The following TRIO variants were observed in gnomAD, a reference collection of about 807,000 sequenced individuals.
TRIO encodes the protein triple functional domain protein.
A neutral mutation model predicts 351.9 loss-of-function variants in TRIO; 58 were observed. The observed-to-expected ratio is 0.16, with a 90% CI of 0.13 to 0.21. The LOEUF (loss-of-function observed/expected upper bound fraction) is 0.21. Among genes scored for constraint, TRIO ranks in the 10% least tolerant of loss-of-function variants. TRIO has a pLI of 1.00. For synonymous variants in TRIO, 1,758 were observed against 1,595.7 expected (o/e 1.10, Z -2.42); for missense variants, 3,201 against 4,027.8 (o/e 0.79, Z 5.56).
At chr5:14,410,023 C>T (rs1749063606) in intron 33 of TRIO, among the ~76,000 whole-genome samples, 1 of 152,108 alleles carries the variant, frequency 6.6e-6, no homozygotes, top group South Asian at 2.1e-4. Context: ...GTTTCTTAAA[C>T]AGACCTGGCG....
chr5:14,481,771 C>CTTTTTTTTTTTTTTTTTTTTT (rs34046917), intron 45 of TRIO, 153 bp downstream of exon 45: 1 of 177,832 alleles, frequency 5.6e-6, no homozygotes, highest in Non-Finnish European at 9.9e-6. Context: ...ATTTTATTTC[C>CTTTTTTTTTTTTTTTTTTTTT]TTTTTTTTTT....
intron 1 of TRIO, among the ~76,000 whole-genome samples, chr5:14,153,516 A>T (rs2152116992): frequency 6.6e-6 from 1 of 152,234 alleles, no homozygotes; most frequent in South Asian, 2.1e-4. Flanking sequence ...TATTGCCACC[A>T]CTGGTTTTAC....
chr5:14,173,449 T>A lies in TRIO; in HGVS notation c.157+29567T>A, dbSNP rs570484217. ...CTCGTCTCCAACTCCTGACCTCAGG[T>A]GATCCGCCCGCCTCAGCTTCCCAAA... On this transcript the variant is annotated intron_variant, in intron 1 of 56. Transcript: ENST00000344204. Among the ~76,000 whole-genome samples, 6 of 152,108 alleles carry A rather than the reference T, an allele frequency of 3.9e-5. No individual in the cohort carries two copies. The East Asian group carries it at 7.7e-4, about 20-fold the overall frequency.
intron 20 of TRIO, among the ~76,000 whole-genome samples, chr5:14,379,897 G>A (rs543300197): frequency 2.0e-5 from 3 of 152,276 alleles, no homozygotes; most frequent in South Asian, 2.1e-4. Flanking sequence ...CAGTGCTTTC[G>A]CAGACCGGCC....
intron 1 of TRIO, among the ~76,000 whole-genome samples, chr5:14,229,006 T>C (rs1793227270): frequency 6.6e-6 from 1 of 152,232 alleles, no homozygotes; most frequent in Non-Finnish European, 1.5e-5. Context: ...GACTAAAATT[T>C]AGGAGTATTT....
At chr5:14,211,591 T>TG (rs913246374) in intron 1 of TRIO, among the ~76,000 whole-genome samples, 4 of 8,178 alleles carry the variant, frequency 4.9e-4, no homozygotes, top group African/African-American at 1.5e-3. Context: ...CACTCAGTTG[T>TG]TTTTTTTTTT....
intron 9 of TRIO, among the ~76,000 whole-genome samples, chr5:14,320,571 A>G (rs1231037127): frequency 1.3e-5 from 2 of 152,172 alleles, no homozygotes; most frequent in African/African-American, 4.8e-5. Context: ...CTCCAGGGCC[A>G]TGTTGGACCA....
At position 14,488,095 on chromosome 5, in the gene TRIO, CCCCGCCTCCCCCGCCAGCCGA is replaced by C. The variant is rs776741852; in HGVS notation, c.7472_7492del (p.Ala2491_Pro2497del). ...AGGGGGGCTCCTTCTGGAGCTCCATCCCCGCCTCCCCCGCCAGCCGACCCGGCTCCTTCACCTTCCCGGGGG... is the reference window on the plus strand; with the variant it reads ...AGGGGGGCTCCTTCTGGAGCTCCATCCCCGGCTCCTTCACCTTCCCGGGGG... On this transcript the variant is annotated inframe_deletion, in exon 48 of 57. Transcript: ENST00000344204. 2 of 1,604,086 alleles carry C rather than the reference CCCCGCCTCCCCCGCCAGCCGA, an allele frequency of 1.2e-6. No homozygotes were observed. Among genetic ancestry groups the C allele is most frequent in the South Asian group, 2.2e-5 (2 of 90,828 alleles).
intron 2 of TRIO, 74 bp downstream of exon 2, chr5:14,270,973 C>T (rs1795943072): frequency 9.8e-7 from 1 of 1,018,190 alleles, no homozygotes; most frequent in East Asian, 2.5e-5. Flanking sequence ...AATAAATGAA[C>T]TCACCTGCCA....
At chr5:14,184,930 G>A (rs16903267) in intron 1 of TRIO, among the ~76,000 whole-genome samples, 1,754 of 152,030 alleles carry the variant, frequency 0.012, 37 homozygotes, top group African/African-American at 0.039. Context: ...ACCCAAAATC[G>A]GGCTCCTCCT....
At chr5:14,213,504 C>T (rs1792039233) in intron 1 of TRIO, among the ~76,000 whole-genome samples, 1 of 151,956 alleles carries the variant, frequency 6.6e-6, no homozygotes, top group African/African-American at 2.4e-5. Flanking sequence ...GTTTCTAACC[C>T]ATTTATGCCA....
intron 8 of TRIO, among the ~76,000 whole-genome samples, chr5:14,305,235 G>A (rs1006927181): frequency 6.6e-6 from 1 of 152,238 alleles, no homozygotes; most frequent in African/African-American, 2.4e-5. Flanking sequence ...CAGGCAGGCA[G>A]GCTGCATGTT....
intron 15 of TRIO, among the ~76,000 whole-genome samples, chr5:14,366,565 C>A: frequency 6.6e-6 from 1 of 152,054 alleles, no homozygotes; most frequent in East Asian, 1.9e-4. Context: ...AAAATATGGC[C>A]CATAATCTGT....
chr5:14,428,674 A>C (rs558577323), intron 34 of TRIO, among the ~76,000 whole-genome samples: 53 of 152,378 alleles, frequency 3.5e-4, no homozygotes, highest in Non-Finnish European at 4.9e-4. Context: ...ACTTTACATT[A>C]AAGTGTTTAT....
At chr5:14,495,962 C>T (rs879828008) in intron 49 of TRIO, among the ~76,000 whole-genome samples, 6 of 152,058 alleles carry the variant, frequency 3.9e-5, no homozygotes, top group Admixed American at 3.3e-4. Flanking sequence ...AGCAAGACTC[C>T]GTCTCAGAGA....
At chr5:14,360,514 A>G (rs1236377775) in intron 13 of TRIO, among the ~76,000 whole-genome samples, 1 of 152,160 alleles carries the variant, frequency 6.6e-6, no homozygotes, top group Non-Finnish European at 1.5e-5. Context: ...TGTGATGGAC[A>G]CCTGTAGAGC....
At chr5:14,421,236 ATTTTAT>A (rs1750117265) in intron 34 of TRIO, among the ~76,000 whole-genome samples, 1 of 120,060 alleles carries the variant, frequency 8.3e-6, no homozygotes, top group African/African-American at 2.9e-5. Flanking sequence ...TATTTATTTT[ATTTTAT>A]TTTATTTTAT....
rs551358255 is a variant in TRIO at position 14,450,756 on chromosome 5, G to A, written c.5204-10263G>A. Among the ~76,000 whole-genome samples, 6 of 152,298 alleles carry A rather than the reference G, an allele frequency of 3.9e-5. No homozygotes were observed. The East Asian group carries it at 1.2e-3, about 29-fold the overall frequency. ...TCTGGCTGTTGTAAAGATTTCCCAT[G>A]CTGACATGACAGCATAACAAACAGT... On this transcript the variant is annotated intron_variant, in intron 34 of 56. Transcript: ENST00000344204.
At chr5:14,367,220 C>G (rs1460643524) in intron 16 of TRIO, among the ~76,000 whole-genome samples, 2 of 152,086 alleles carry the variant, frequency 1.3e-5, no homozygotes, top group Non-Finnish European at 2.9e-5. Context: ...GCAAGGATCC[C>G]AAAGGTCTCG....
Sources: gnomAD v4.1 joint callset for allele counts (sites outside exome capture counted in the v4.1 genomes callset) on GRCh38, gnomAD v4.1.1 for gene constraint, MANE v1.5 for transcripts, NCBI Gene and HGNC (gene_info 2026-07-23, HGNC 2026-07-21) for gene names.